Variants in TMEM266 observed in about 807,000 individuals in gnomAD.
The protein encoded by TMEM266 is transmembrane protein 266, also known as Hv1 related protein 1.
In TMEM266, 33 loss-of-function variants were observed where a neutral mutation model predicts 50.5. The ratio of observed to expected loss-of-function variants is 0.65; its 90% CI spans 0.50 to 0.87. The LOEUF is 0.87. TMEM266 is among the 40% of genes least tolerant of loss of function. The probability of loss-of-function intolerance (pLI) is 0.00; values close to 1 mark genes in which losing one functional copy is unlikely to be tolerated. For missense variants in TMEM266, 655 were observed against 695.1 expected (o/e 0.94, Z 0.65); for synonymous variants, 310 against 292.3 (o/e 1.06, Z -0.62).
chr15:76,119,224 C>G (rs372025746), intron 1 of TMEM266, among the ~76,000 whole-genome samples: 44 of 152,048 alleles, frequency 2.9e-4, no homozygotes, highest in African/African-American at 1.1e-3. Context: ...TGATTTTTAT[C>G]TACTTGGTCA....
At chr15:76,076,591 AG>A (rs2036610939) in intron 1 of TMEM266, among the ~76,000 whole-genome samples, 1 of 152,134 alleles carries the variant, frequency 6.6e-6, no homozygotes, top group Non-Finnish European at 1.5e-5. Flanking sequence ...ATTCCTAGGC[AG>A]GAAGAGTTTA....
At chr15:76,154,786 G>A (rs537768871) in intron 3 of TMEM266, among the ~76,000 whole-genome samples, 86 of 152,342 alleles carry the variant, frequency 5.6e-4, no homozygotes, top group African/African-American at 1.9e-3. Flanking sequence ...AGAATGATGT[G>A]AATAAGCCCA....
At position 76,202,239 on chromosome 15, in the gene TMEM266, T is replaced by C. The variant is rs2038760019; in HGVS notation, c.996T>C (p.Ser332=). 6.2e-7 allele frequency: 1 copy of C among 1,613,830 alleles called. No individual in the cohort carries two copies. The highest frequency in any genetic ancestry group is 1.3e-5 in the African/African-American group (1 of 75,018). Residue 332 remains serine, a synonymous_variant, in exon 10 of 11, where the codon AGT becomes AGC. Transcript: ENST00000388942. ...AGGACGACATGAACAGCTACATCAG[T>C]CAGTATTACAATGGGCCCAGCAGTG... The part of the protein sequence containing the change: ...YISQYYNGPS[S]DSGVPEPAVC...
intron 1 of TMEM266, among the ~76,000 whole-genome samples, chr15:76,092,720 G>A (rs1019835631): frequency 6.6e-6 from 1 of 150,784 alleles, no homozygotes. Flanking sequence ...ATAGCTAATA[G>A]TCACTGAATC....
chr15:76,110,683 G>T (rs987034422), intron 1 of TMEM266, among the ~76,000 whole-genome samples: 3 of 152,112 alleles, frequency 2.0e-5, no homozygotes, highest in African/African-American at 7.2e-5. Flanking sequence ...GGTAGAAAAA[G>T]AATATGATGA....
intron 3 of TMEM266, among the ~76,000 whole-genome samples, chr15:76,142,946 C>T (rs2037702797): frequency 6.6e-6 from 1 of 152,208 alleles, no homozygotes. Flanking sequence ...CAGTCCTCTG[C>T]AGTCCTGGTT....
At chr15:76,093,448 T>G (rs1026738953) in intron 1 of TMEM266, among the ~76,000 whole-genome samples, 38 of 152,024 alleles carry the variant, frequency 2.5e-4, no homozygotes, top group African/African-American at 8.0e-4. Flanking sequence ...TTCATCCATG[T>G]CCCTGCAAAG....
intron 2 of TMEM266, among the ~76,000 whole-genome samples, chr15:76,136,207 T>C (rs1264322352): frequency 6.6e-6 from 1 of 152,144 alleles, no homozygotes; most frequent in African/African-American, 2.4e-5. Context: ...CCTCCCAAAG[T>C]GTTGGGATTA....
intron 8 of TMEM266, chr15:76,181,036 G>A (rs557274926): frequency 4.6e-5 from 7 of 152,294 alleles, no homozygotes; most frequent in African/African-American, 1.4e-4. Context: ...TGTGCTACAT[G>A]GCAGTTCATT....
At chr15:76,175,388 T>G (rs2038257632) in intron 7 of TMEM266, 171 bp from the exon 8 acceptor site, 1 of 592,022 alleles carries the variant, frequency 1.7e-6, no homozygotes, top group African/African-American at 1.9e-5. Context: ...GCGAAGGCTG[T>G]GGCCCTCTGT....
chr15:76,133,602 G>C (rs996540782), intron 1 of TMEM266, among the ~76,000 whole-genome samples: 1 of 152,168 alleles, frequency 6.6e-6, no homozygotes, highest in Non-Finnish European at 1.5e-5. Context: ...GGGGGTGTAA[G>C]TAGCTCACTC....
intron 1 of TMEM266, among the ~76,000 whole-genome samples, chr15:76,107,140 G>A (rs2037094515): frequency 6.6e-6 from 1 of 152,076 alleles, no homozygotes; most frequent in Admixed American, 6.6e-5. Context: ...AAAAGAAACA[G>A]GTAAAAATAA....
At chr15:76,199,725 C>A (rs545971556) in intron 9 of TMEM266, among the ~76,000 whole-genome samples, 4 of 151,326 alleles carry the variant, frequency 2.6e-5, no homozygotes, top group Non-Finnish European at 5.9e-5. Flanking sequence ...GTGTGAAGTG[C>A]GGACCCCTAG....
At chr15:76,179,947 G>C (rs1427859688) in intron 8 of TMEM266, among the ~76,000 whole-genome samples, 1 of 151,152 alleles carries the variant, frequency 6.6e-6, no homozygotes, top group Non-Finnish European at 1.5e-5. Flanking sequence ...GAGCAAGACT[G>C]TCTCTAAAAC....
At chr15:76,067,067 C>T (rs987386084) in intron 1 of TMEM266, among the ~76,000 whole-genome samples, 12 of 152,064 alleles carry the variant, frequency 7.9e-5, no homozygotes, top group Non-Finnish European at 1.6e-4. Flanking sequence ...CATTTGAGAA[C>T]CGTTCTCCAT....
rs189625712 is a variant in TMEM266 at position 76,083,825 on chromosome 15, C to T, written c.-97+23809C>T. Among the ~76,000 whole-genome samples, 195 of 152,216 alleles carry T rather than the reference C, an allele frequency of 1.3e-3. 1 individual carries two copies. The highest frequency in any genetic ancestry group is 4.3e-3 in the African/African-American group (177 of 41,522). ...TGTCTGTCCGGTGGTGGGCCATCAT[C>T]AAACAGTGGTAGAAGGAAAGGAGGG... On this transcript the variant is annotated intron_variant, in intron 1 of 10. Transcript: ENST00000388942.
intron 1 of TMEM266, among the ~76,000 whole-genome samples, chr15:76,128,879 C>G (rs1567161083): frequency 3.3e-5 from 5 of 152,204 alleles, no homozygotes; most frequent in African/African-American, 7.2e-5. Context: ...GAATCTGCTC[C>G]TCCGCTCAAC....
At chr15:76,172,586 C>A (rs1274453117) in intron 7 of TMEM266, among the ~76,000 whole-genome samples, 1 of 152,188 alleles carries the variant, frequency 6.6e-6, no homozygotes, top group Non-Finnish European at 1.5e-5. Context: ...TGTCAGGGAT[C>A]CCCCAGTAGG....
At chr15:76,127,323 CTTT>C (rs530406441) in intron 1 of TMEM266, among the ~76,000 whole-genome samples, 3 of 138,950 alleles carry the variant, frequency 2.2e-5, no homozygotes, top group Admixed American at 7.2e-5. Flanking sequence ...ACCTCTAGTC[CTTT>C]TTTTTTTTTT....
Sources: gnomAD v4.1 joint callset for allele counts (sites outside exome capture counted in the v4.1 genomes callset) on GRCh38, gnomAD v4.1.1 for gene constraint, MANE v1.5 for transcripts, NCBI Gene and HGNC (gene_info 2026-07-23, HGNC 2026-07-21) for gene names.